SLC35F4: variants seen among roughly 807,000 people sequenced by gnomAD.
SLC35F4 encodes chromosome 14 open reading frame 36.
In SLC35F4, 24 loss-of-function variants were observed where a neutral mutation model predicts 44.2. The observed-to-expected ratio is 0.54, with a 90% CI of 0.39 to 0.76. The LOEUF is 0.76. SLC35F4 is among the 30% of genes least tolerant of loss of function. The pLI, the probability that SLC35F4 is intolerant of heterozygous loss-of-function variation, is 0.00. For missense variants in SLC35F4, 562 were observed against 586.1 expected (o/e 0.96, Z 0.42); for synonymous variants, 238 against 223.6 (o/e 1.06, Z -0.57).
chr14:57,794,846 A>G (rs551322830), intron 1 of SLC35F4, among the ~76,000 whole-genome samples: 4 of 152,122 alleles, frequency 2.6e-5, no homozygotes, highest in African/African-American at 4.8e-5. Context: ...TACTTCTGGG[A>G]AAAAAAACTG....
chr14:57,949,753 G>GA (rs953226814), intron 1 of SLC35F4, among the ~76,000 whole-genome samples: 5 of 152,072 alleles, frequency 3.3e-5, no homozygotes, highest in South Asian at 2.1e-4. Context: ...TTGTTTGTCT[G>GA]AAAAAAACTT....
chr14:57,634,789 G>A (rs1273031172), intron 1 of SLC35F4, among the ~76,000 whole-genome samples: 1 of 152,102 alleles, frequency 6.6e-6, no homozygotes, highest in Non-Finnish European at 1.5e-5. Context: ...CTAGGATGGA[G>A]GAGAGAGTTC....
At chr14:57,573,341 C>T (rs919259691) in intron 4 of SLC35F4, among the ~76,000 whole-genome samples, 1 of 152,146 alleles carries the variant, frequency 6.6e-6, no homozygotes, top group Non-Finnish European at 1.5e-5. Flanking sequence ...TGAGAATAGA[C>T]ATAGACATGT....
intron 1 of SLC35F4, among the ~76,000 whole-genome samples, chr14:57,884,838 A>G (rs959671326): frequency 1.3e-5 from 2 of 152,190 alleles, no homozygotes; most frequent in African/African-American, 4.8e-5. Flanking sequence ...TTTCATGGAA[A>G]TAATTATGAA....
intron 1 of SLC35F4, among the ~76,000 whole-genome samples, chr14:57,954,790 A>C (rs899469155): frequency 2.2e-4 from 33 of 152,124 alleles, no homozygotes; most frequent in African/African-American, 7.9e-4. Context: ...TTAATAGCTT[A>C]ACAACCAAAA....
chr14:57,843,064 C>T (rs926186521), intron 1 of SLC35F4, among the ~76,000 whole-genome samples: 4 of 152,140 alleles, frequency 2.6e-5, no homozygotes, highest in African/African-American at 9.7e-5. Context: ...CAGGGGCTAT[C>T]GAACCTTTAG....
intron 1 of SLC35F4, among the ~76,000 whole-genome samples, chr14:57,670,932 T>G (rs1844533228): frequency 8.3e-6 from 1 of 120,492 alleles, no homozygotes. Flanking sequence ...TGAGACGGAG[T>G]CTTGCTCTGT....
At chr14:57,767,838 A>T (rs1413586833) in intron 1 of SLC35F4, among the ~76,000 whole-genome samples, 2 of 152,172 alleles carry the variant, frequency 1.3e-5, no homozygotes, top group Non-Finnish European at 2.9e-5. Flanking sequence ...ATATACTAAA[A>T]ATCCTTCAGC....
intron 1 of SLC35F4, among the ~76,000 whole-genome samples, chr14:57,606,114 T>A (rs551430174): frequency 4.9e-4 from 75 of 152,032 alleles, no homozygotes; most frequent in Non-Finnish European, 9.4e-4. Flanking sequence ...GATTCTAAAA[T>A]GAAAGTTGAA....
At chr14:57,876,672 A>T (rs62005013) in intron 1 of SLC35F4, among the ~76,000 whole-genome samples, 23,272 of 152,216 alleles carry the variant, frequency 0.15, 1,895 homozygotes, top group East Asian at 0.23. Context: ...GGATTGAGAA[A>T]TGCATGTTTT....
At chr14:57,982,580 G>A (rs556547662), upstream of SLC35F4, among the ~76,000 whole-genome samples, 6 of 152,096 alleles carry the variant, frequency 3.9e-5, no homozygotes, top group Admixed American at 2.6e-4. Flanking sequence ...GCAGAGAGGA[G>A]GGGAGCCAGA....
intron 1 of SLC35F4, among the ~76,000 whole-genome samples, chr14:57,800,264 GT>G (rs35066841): frequency 0.28 from 43,291 of 151,960 alleles, 7,103 homozygotes; most frequent in East Asian, 0.66. Context: ...ACCTGCAGCA[GT>G]CCCTGCAGTA....
At chr14:57,864,543 G>A (rs1458505607) in intron 1 of SLC35F4, among the ~76,000 whole-genome samples, 2 of 152,198 alleles carry the variant, frequency 1.3e-5, no homozygotes, top group Non-Finnish European at 2.9e-5. Flanking sequence ...TAGAGAGGAA[G>A]CATGGTAGGG....
chr14:57,721,941 C>T lies in SLC35F4; in HGVS notation c.104-127817G>A, dbSNP rs796369530. Among the ~76,000 whole-genome samples the T allele has an allele frequency of 3.2e-4, 48 of 151,656 alleles. 1 individual carries two copies. The highest frequency in any genetic ancestry group is 1.1e-3 in the African/African-American group (46 of 41,290). The stretch of plus-strand genomic sequence containing the variant: ...GATAATGTTGATTCTCATTATCTTG[C>T]CTGTGATGGCCACCCCCAACACTCC... On this transcript the variant is annotated intron_variant, in intron 1 of 7. Coordinates refer to ENST00000556826, the MANE Select transcript of SLC35F4 (RefSeq NM_001306087.2).
chr14:57,609,731 T>C (rs2071380613), intron 1 of SLC35F4, among the ~76,000 whole-genome samples: 1 of 152,204 alleles, frequency 6.6e-6, no homozygotes, highest in South Asian at 2.1e-4. Context: ...GTTCACACTG[T>C]CCGGAAGATG....
intron 1 of SLC35F4, among the ~76,000 whole-genome samples, chr14:57,728,441 C>CTTTTTTTTTT (rs869064667): frequency 1.7e-5 from 1 of 59,024 alleles, no homozygotes; most frequent in Non-Finnish European, 2.9e-5. Flanking sequence ...TTCTTTCTTT[C>CTTTTTTTTTT]TTTTTTTTTT....
chr14:57,663,957 A>G (rs1594744176), intron 1 of SLC35F4, among the ~76,000 whole-genome samples: 1 of 151,952 alleles, frequency 6.6e-6, no homozygotes, highest in East Asian at 1.9e-4. Flanking sequence ...AACATTCAAC[A>G]TTTGGGAAAT....
chr14:57,706,572 C>T (rs1401339249), intron 1 of SLC35F4, among the ~76,000 whole-genome samples: 2 of 151,962 alleles, frequency 1.3e-5, no homozygotes, highest in Admixed American at 6.6e-5. Flanking sequence ...GCTATTTGAG[C>T]ATATAACAGG....
At chr14:57,978,949 T>C (rs1000983097) in intron 1 of SLC35F4, among the ~76,000 whole-genome samples, 6 of 152,220 alleles carry the variant, frequency 3.9e-5, no homozygotes, top group African/African-American at 1.2e-4. Context: ...GCAAGGTTGC[T>C]ACCATACAAT....
Sources: allele counts gnomAD v4.1 joint callset (sites outside exome capture counted in the v4.1 genomes callset), GRCh38; gene constraint gnomAD v4.1.1; transcripts MANE v1.5; gene names NCBI Gene and HGNC (gene_info 2026-07-23, HGNC 2026-07-21).